APOBEC1: variants seen among roughly 807,000 people sequenced by gnomAD.
APOBEC1 encodes the protein apolipoprotein B mRNA editing enzyme catalytic subunit 1, also known as C->U-editing enzyme APOBEC-1.
A neutral mutation model predicts 26.3 loss-of-function variants in APOBEC1; 22 were observed. The ratio of observed to expected loss-of-function variants is 0.84; its 90% CI spans 0.60 to 1.19. The LOEUF is 1.19. Ranked by LOEUF, APOBEC1 falls within the 50% of genes most tolerant of loss-of-function variation. The pLI is 0.00. For synonymous variants in APOBEC1, 77 were observed against 95.3 expected (o/e 0.81, Z 1.12); for missense variants, 253 against 289.0 (o/e 0.88, Z 0.90).
intron 1 of APOBEC1, among the ~76,000 whole-genome samples, chr12:7,658,469 G>A (rs982276031): frequency 1.2e-4 from 18 of 152,110 alleles, no homozygotes; most frequent in Admixed American, 4.6e-4. Flanking sequence ...TGAGAAAGGC[G>A]ATACAGGAAT....
At chr12:7,655,383 C>T (rs1262657172) in intron 1 of APOBEC1, among the ~76,000 whole-genome samples, 2 of 151,476 alleles carry the variant, frequency 1.3e-5, no homozygotes, top group East Asian at 1.9e-4. Context: ...GGCGTGGTGG[C>T]GCATGCCTGT....
chr12:7,663,114 C>T (rs957398293), intron 1 of APOBEC1, among the ~76,000 whole-genome samples: 2 of 152,144 alleles, frequency 1.3e-5, no homozygotes, highest in African/African-American at 4.8e-5. Flanking sequence ...TCATCCCACG[C>T]TCCTGGCCAA....
chr12:7,659,132 T>TA (rs1271649010), intron 1 of APOBEC1, among the ~76,000 whole-genome samples: 2 of 147,656 alleles, frequency 1.4e-5, no homozygotes, highest in African/African-American at 2.5e-5. Context: ...CTGTCTCTAC[T>TA]AAAAATACAA....
At chr12:7,653,255 A>C (rs1863672050) in intron 2 of APOBEC1, among the ~76,000 whole-genome samples, 1 of 152,178 alleles carries the variant, frequency 6.6e-6, no homozygotes, top group African/African-American at 2.4e-5. Flanking sequence ...TATCAGGCTG[A>C]TCTGAGACAT....
upstream of APOBEC1, among the ~76,000 whole-genome samples, chr12:7,667,686 G>T (rs1343567465): frequency 6.6e-6 from 1 of 152,108 alleles, no homozygotes; most frequent in Non-Finnish European, 1.5e-5. Context: ...AGGCAGAGAT[G>T]GGAGGATCAC....
intron 1 of APOBEC1, among the ~76,000 whole-genome samples, chr12:7,661,205 CAAAAA>C (rs35561148): frequency 2.2e-5 from 2 of 89,294 alleles, no homozygotes; most frequent in Admixed American, 1.3e-4. Context: ...GACTCCGTCT[CAAAAA>C]AAAAAAAAAA....
intron 1 of APOBEC1, among the ~76,000 whole-genome samples, chr12:7,658,573 A>T (rs1172501665): frequency 6.6e-6 from 1 of 152,180 alleles, no homozygotes; most frequent in Non-Finnish European, 1.5e-5. Flanking sequence ...AGGAAAAAGG[A>T]AGTCTGTGAG....
chr12:7,660,701 TAAAAAAA>T (rs34455959), intron 1 of APOBEC1, among the ~76,000 whole-genome samples: 1 of 120,056 alleles, frequency 8.3e-6, no homozygotes, highest in Non-Finnish European at 1.7e-5. Flanking sequence ...AGATTCCATC[TAAAAAAA>T]AAAAAAAAAA....
chr12:7,665,807 C>T (rs777204991), intron 1 of APOBEC1, 50 bp downstream of exon 1: 3 of 1,097,528 alleles, frequency 2.7e-6, no homozygotes, highest in Non-Finnish European at 3.9e-6. Flanking sequence ...ACACACACAC[C>T]ATTCTTGCAT....
chr12:7,651,708 T>A (rs752665327), intron 3 of APOBEC1, among the ~76,000 whole-genome samples: 1 of 152,204 alleles, frequency 6.6e-6, no homozygotes, highest in South Asian at 2.1e-4. Context: ...AGTGGTCCAA[T>A]CATAGCTCAC....
chr12:7,660,363 G>GAAAGAAAAA (rs1565442332), intron 1 of APOBEC1, among the ~76,000 whole-genome samples: 2 of 6,906 alleles, frequency 2.9e-4, no homozygotes, highest in African/African-American at 5.2e-4. Flanking sequence ...AAGGAAGGAA[G>GAAAGAAAAA]GAAGGAAGGA....
At chr12:7,659,322 A>AAAAATAT (rs1555094633) in intron 1 of APOBEC1, among the ~76,000 whole-genome samples, 8 of 46,282 alleles carry the variant, frequency 1.7e-4, no homozygotes, top group Admixed American at 4.4e-4. Context: ...AAAAAAAAAA[A>AAAAATAT]ATATATATAT....
chr12:7,654,735 T>C (rs1012889324), intron 1 of APOBEC1, 103 bp from the exon 2 acceptor site: 1 of 1,158,966 alleles, frequency 8.6e-7, no homozygotes, highest in African/African-American at 1.5e-5. Context: ...TCTCAGAAAA[T>C]GGAATTTGAA....
At chr12:7,670,354 C>CGT (rs1863936311), upstream of APOBEC1, among the ~76,000 whole-genome samples, 1 of 141,922 alleles carries the variant, frequency 7.0e-6, no homozygotes, top group Non-Finnish European at 1.5e-5. Context: ...ATTGTGGATA[C>CGT]AAGCTTTGTC....
chr12:7,670,592 T>TA (rs1310302781), upstream of APOBEC1, among the ~76,000 whole-genome samples: 1 of 138,866 alleles, frequency 7.2e-6, no homozygotes, highest in South Asian at 2.4e-4. Flanking sequence ...CCACCTCTAC[T>TA]AAAAATACAA....
upstream of APOBEC1, among the ~76,000 whole-genome samples, chr12:7,669,364 A>AT (rs1863929031): frequency 6.6e-6 from 1 of 152,142 alleles, no homozygotes; most frequent in Non-Finnish European, 1.5e-5. Flanking sequence ...TCCATTGCAT[A>AT]GGTATGCTAC....
Position 7,665,781 on chromosome 12 carries a change from A to G in APOBEC1, c.16+76T>C, listed in dbSNP as rs866051984. 9,131 of 1,226,226 alleles carry G rather than the reference A, an allele frequency of 7.4e-3. 32 individuals carry two copies. The highest frequency in any genetic ancestry group is 8.6e-3 in the Non-Finnish European group (7,161 of 834,176). The allele number at this position is 1,226,226 out of a possible 1,614,324, so 76.0% of individuals were successfully genotyped here. ...CACACACACACACACACACACACAC[A>G]CACACACACACACACACACACACAC... On this transcript the variant is annotated intron_variant, in intron 1 of 4. Transcript: ENST00000229304.
In APOBEC1 at chr12:7,659,510, A is replaced by T. The variant is rs115690880; in HGVS notation, c.17-4878T>A. Reference sequence around the variant, plus strand: ...TTCCTACACACCTATCAGAATGGCTATATGTGTGTGTATAGGTGTGCGTGC... The same window carrying T: ...TTCCTACACACCTATCAGAATGGCTTTATGTGTGTGTATAGGTGTGCGTGC... On this transcript the variant is annotated intron_variant, in intron 1 of 4. Coordinates refer to ENST00000229304, the MANE Select transcript of APOBEC1 (RefSeq NM_001644.5). Among the ~76,000 whole-genome samples the T allele has an allele frequency of 4.5e-3, 686 of 151,512 alleles. 5 individuals are homozygous for T. The highest frequency in any genetic ancestry group is 0.016 in the African/African-American group (644 of 41,326).
upstream of APOBEC1, among the ~76,000 whole-genome samples, chr12:7,670,259 C>T (rs1158628461): frequency 2.3e-4 from 32 of 137,984 alleles, 3 homozygotes; most frequent in Non-Finnish European, 7.8e-5. Context: ...GCTGGGATTA[C>T]CAGGTGTGAG....
Sources: allele counts gnomAD v4.1 joint callset (sites outside exome capture counted in the v4.1 genomes callset), GRCh38; gene constraint gnomAD v4.1.1; transcripts MANE v1.5; gene names NCBI Gene and HGNC (gene_info 2026-07-23, HGNC 2026-07-21).